Variants in SRPRB observed in about 807,000 individuals in gnomAD.
SRPRB encodes SRP receptor subunit beta.
SRPRB carries 20 observed loss-of-function variants against 31.9 expected under a neutral mutation model. The ratio of observed to expected loss-of-function variants is 0.63; its 90% CI spans 0.44 to 0.91. SRPRB has a LOEUF of 0.91. SRPRB is among the 40% of genes least tolerant of loss of function. The pLI is 0.00. For missense variants in SRPRB, 321 were observed against 324.9 expected (o/e 0.99, Z 0.09); for synonymous variants, 146 against 132.8 (o/e 1.10, Z -0.68).
chr3:133,799,965 G>A (rs1167518938), intron 1 of SRPRB, among the ~76,000 whole-genome samples: 1 of 152,200 alleles, frequency 6.6e-6, no homozygotes, highest in Non-Finnish European at 1.5e-5. Context: ...GAGCAGTAAT[G>A]ACAGCACGCT....
chr3:133,802,281 T>G (rs560329815), upstream of SRPRB, among the ~76,000 whole-genome samples: 2 of 152,202 alleles, frequency 1.3e-5, no homozygotes, highest in Admixed American at 1.3e-4. Flanking sequence ...ATGGTGTTTG[T>G]GCCTGTAGTC....
intron 4 of SRPRB, among the ~76,000 whole-genome samples, chr3:133,812,603 C>T (rs1416120420): frequency 6.6e-6 from 1 of 152,164 alleles, no homozygotes; most frequent in Non-Finnish European, 1.5e-5. Context: ...ATCCTACTTT[C>T]TGGCTTCGCC....
chr3:133,819,897 T>G lies in SRPRB; in HGVS notation c.*131T>G. On this transcript the variant is annotated 3_prime_UTR_variant, in exon 7 of 7. Transcript: ENST00000678299. ...ACATTTCTTTGTTCTGGAAACAAAG[T>G]ACTGTTGAAACCAGCTTGGAATTTT... The G allele has an allele frequency of 1.2e-6, 1 of 840,490 alleles. No homozygotes were observed. The highest frequency in any genetic ancestry group is 1.8e-6 in the Non-Finnish European group (1 of 552,402). 52.1% of individuals were successfully genotyped at this position (840,490 alleles called of 1,614,324 possible).
exon 1 of SRPRB, chr3:133,784,065 C>T (rs546480054): frequency 6.6e-6 from 1 of 152,454 alleles, no homozygotes; most frequent in Admixed American, 6.5e-5. Flanking sequence ...TCCGGGTCTT[C>T]GGGTGGCCGC....
Position 133,815,636 on chromosome 3 carries a change from A to AG in SRPRB, c.457_458insG (p.Lys153ArgfsTer5). On this transcript the variant is annotated frameshift_variant, in exon 5 of 7. Transcript: ENST00000678299. LOFTEE classifies it high-confidence loss of function. ...TAGTGCAGCATTCCAGCGAGAGGTG[A>AG]AAGATGTGGCTGAGTTTCTGTATCA... 1 of 1,614,020 alleles carries AG rather than the reference A, an allele frequency of 6.2e-7. No homozygotes were observed. Among genetic ancestry groups the AG allele is most frequent in the Non-Finnish European group, 8.5e-7 (1 of 1,180,014 alleles).
intron 3 of SRPRB, 62 bp downstream of exon 3, chr3:133,807,885 G>T: frequency 2.3e-6 from 3 of 1,316,612 alleles, no homozygotes; most frequent in Non-Finnish European, 3.2e-6. Flanking sequence ...TGTCAGTTAA[G>T]GACATTTTTA....
At chr3:133,828,067 C>T (rs1464135036), downstream of SRPRB, 1 of 685,656 alleles carries the variant, frequency 1.5e-6, no homozygotes, top group African/African-American at 1.8e-5. Context: ...CAACCCCCTT[C>T]AAGGCTTTTC....
intron 1 of SRPRB, among the ~76,000 whole-genome samples, chr3:133,800,110 C>A (rs1029377105): frequency 6.6e-6 from 1 of 152,144 alleles, no homozygotes; most frequent in Admixed American, 6.5e-5. Context: ...TCTGGCCTGG[C>A]CTTAAATCCC....
At chr3:133,800,538 G>A (rs1027872187) in intron 1 of SRPRB, among the ~76,000 whole-genome samples, 1 of 152,224 alleles carries the variant, frequency 6.6e-6, no homozygotes, top group Non-Finnish European at 1.5e-5. Flanking sequence ...AAGTGTGACT[G>A]ATGGATATAG....
chr3:133,804,258 C>G (rs1177938359), upstream of SRPRB, among the ~76,000 whole-genome samples: 2 of 152,042 alleles, frequency 1.3e-5, no homozygotes, highest in Non-Finnish European at 2.9e-5. Context: ...GGTCCTCCCC[C>G]AGTTCCTCTC....
chr3:133,808,212 T>C (rs868690221), intron 3 of SRPRB, among the ~76,000 whole-genome samples: 1 of 152,240 alleles, frequency 6.6e-6, no homozygotes, highest in South Asian at 2.1e-4. Flanking sequence ...ATTTTTCCTT[T>C]CCTTTCCCCA....
intron 1 of SRPRB, chr3:133,787,667 G>A (rs1198225726): frequency 6.6e-6 from 1 of 152,164 alleles, no homozygotes; most frequent in Non-Finnish European, 1.5e-5. Context: ...GAAGGTGAGA[G>A]GGAAGAAATT....
chr3:133,791,100 G>C (rs1934820450), intron 1 of SRPRB: 1 of 152,014 alleles, frequency 6.6e-6, no homozygotes, highest in Non-Finnish European at 1.5e-5. Flanking sequence ...TCTGTGAATA[G>C]TTATTTTGTT....
rs537108345 is a variant in SRPRB at position 133,806,362 on chromosome 3, T to G, written c.155-247T>G. On this transcript the variant is annotated intron_variant, in intron 1 of 6. Coordinates refer to ENST00000678299, the MANE Select transcript of SRPRB (RefSeq NM_001379313.1). ...CCGTGTTTGCGTGCGGGCGCTGGGA[T>G]ACCAAGGTAGTGAGATAGCACCTGA... 4.6e-5 allele frequency among the ~76,000 whole-genome samples: 7 copies of G among 152,324 alleles called. No homozygotes were observed. In the South Asian group the frequency reaches 1.2e-3, roughly 27 times the overall value.
chr3:133,817,030 C>A, intron 6 of SRPRB, 98 bp downstream of exon 6: 1 of 926,346 alleles, frequency 1.1e-6, no homozygotes, highest in South Asian at 2.3e-5. Flanking sequence ...ATGTGATTAT[C>A]ACAATTATAG....
chr3:133,811,408 T>G (rs945777607), intron 4 of SRPRB, among the ~76,000 whole-genome samples: 1 of 152,092 alleles, frequency 6.6e-6, no homozygotes, highest in African/African-American at 2.4e-5. Flanking sequence ...TTAAAAAGTG[T>G]TTTTTAGTGT....
In SRPRB at chr3:133,820,054, C is replaced by T. The variant is rs1465433710; in HGVS notation, c.*288C>T. 2 of 370,684 alleles carry T rather than the reference C, an allele frequency of 5.4e-6. No homozygotes were observed. Among genetic ancestry groups the T allele is most frequent in the Non-Finnish European group, 1.0e-5 (2 of 199,240 alleles). The allele number at this position is 370,684 out of a possible 1,614,324, so 23.0% of individuals were successfully genotyped here. ...GGGTCAAGGTTTTTGTGACAACAGGCAGACTCCACACAGAGAGGATATGAT... is the reference window on the plus strand; with the variant it reads ...GGGTCAAGGTTTTTGTGACAACAGGTAGACTCCACACAGAGAGGATATGAT... On this transcript the variant is annotated 3_prime_UTR_variant, in exon 7 of 7. Transcript: ENST00000678299.
At chr3:133,792,915 C>T (rs1934876109) in intron 1 of SRPRB, 1 of 152,072 alleles carries the variant, frequency 6.6e-6, no homozygotes, top group Admixed American at 6.5e-5. Flanking sequence ...ACAGGGTTTT[C>T]TTAAAGCACC....
chr3:133,811,346 G>T, intron 4 of SRPRB, 147 bp downstream of exon 4: 1 of 618,948 alleles, frequency 1.6e-6, no homozygotes, highest in Non-Finnish European at 2.7e-6. Flanking sequence ...CCAGTTCTGG[G>T]TTGCAAGTCC....
Sources: gnomAD v4.1 joint callset for allele counts (sites outside exome capture counted in the v4.1 genomes callset) on GRCh38, gnomAD v4.1.1 for gene constraint, MANE v1.5 for transcripts, NCBI Gene and HGNC (gene_info 2026-07-23, HGNC 2026-07-21) for gene names.